Variants in RABGAP1L observed in about 807,000 individuals in gnomAD.
RABGAP1L encodes RAB GTPase activating protein 1 like.
Under a neutral mutation model 137.7 loss-of-function variants are expected in RABGAP1L, and 63 were observed. The ratio of observed to expected loss-of-function variants is 0.46; its 90% CI spans 0.37 to 0.56. RABGAP1L has a LOEUF of 0.56. Ranked by LOEUF, RABGAP1L falls within the 20% of genes least tolerant of loss-of-function variation. RABGAP1L has a pLI of 0.00. For synonymous variants in RABGAP1L, 431 were observed against 433.7 expected, an observed-to-expected ratio of 0.99 and a Z score of 0.08; for missense variants, 1,095 against 1,244.0, an observed-to-expected ratio of 0.88 and a Z score of 1.80.
intron 13 of RABGAP1L, among the ~76,000 whole-genome samples, chr1:174,447,186 G>A (rs1558242022): frequency 6.6e-6 from 1 of 152,190 alleles, no homozygotes; most frequent in Admixed American, 6.5e-5. Flanking sequence ...ACCAGTAACT[G>A]TAATGGATTA....
At chr1:174,169,177 A>G (rs1665145602) in intron 1 of RABGAP1L, among the ~76,000 whole-genome samples, 1 of 152,178 alleles carries the variant, frequency 6.6e-6, no homozygotes, top group Non-Finnish European at 1.5e-5. Flanking sequence ...TGCAGTTGGT[A>G]TCACACACAA....
chr1:174,291,891 G>A (rs936781676), intron 10 of RABGAP1L, among the ~76,000 whole-genome samples: 17 of 150,976 alleles, frequency 1.1e-4, no homozygotes, highest in African/African-American at 3.9e-4. Flanking sequence ...GCCAGATTTC[G>A]GGTGGTTTGA....
intron 20 of RABGAP1L, among the ~76,000 whole-genome samples, chr1:174,959,209 A>C (rs1668870767): frequency 6.6e-6 from 1 of 152,214 alleles, no homozygotes; most frequent in Admixed American, 6.5e-5. Context: ...CCTCAATAAA[A>C]CCAGCTTTTA....
intron 17 of RABGAP1L, among the ~76,000 whole-genome samples, chr1:174,749,933 G>A (rs968043986): frequency 4.6e-5 from 7 of 151,876 alleles, no homozygotes. Context: ...GCTGGAGTGC[G>A]ATCTCGGCTC....
At chr1:174,476,481 A>G (rs1458402562) in intron 13 of RABGAP1L, among the ~76,000 whole-genome samples, 1 of 152,192 alleles carries the variant, frequency 6.6e-6, no homozygotes, top group African/African-American at 2.4e-5. Context: ...CAAGAGATTT[A>G]TGAATTCTTT....
In RABGAP1L at chr1:174,655,485, T is replaced by C. The variant is rs139494827; in HGVS notation, c.1824+17997T>C. Among the ~76,000 whole-genome samples, 12 of 152,342 alleles carry C rather than the reference T, an allele frequency of 7.9e-5. No individual in the cohort carries two copies. In the East Asian group the frequency reaches 9.6e-4, roughly 12 times the overall value. ...CAACACGGAAAGAATAATCTGTTCT[T>C]ATTTCTTCCACTCAGGTAATATGTA... On this transcript the variant is annotated intron_variant, in intron 14 of 25. Coordinates refer to ENST00000681986, the MANE Select transcript of RABGAP1L (RefSeq NM_001366446.1).
At chr1:174,330,120 T>G (rs1024299762) in intron 11 of RABGAP1L, among the ~76,000 whole-genome samples, 1 of 152,182 alleles carries the variant, frequency 6.6e-6, no homozygotes, top group African/African-American at 2.4e-5. Flanking sequence ...TTGTCCCTGT[T>G]TGCAGACAAT....
chr1:174,398,425 G>A (rs535896465), intron 13 of RABGAP1L, among the ~76,000 whole-genome samples: 2 of 152,196 alleles, frequency 1.3e-5, no homozygotes, highest in South Asian at 4.2e-4. Context: ...CTTCTTCTTA[G>A]TGTAAACTAT....
chr1:174,176,634 C>T (rs1429471835), intron 1 of RABGAP1L, among the ~76,000 whole-genome samples: 4 of 136,414 alleles, frequency 2.9e-5, no homozygotes, highest in African/African-American at 8.4e-5. Context: ...ATCACTTGAG[C>T]CTAGGAGGCG....
intron 13 of RABGAP1L, among the ~76,000 whole-genome samples, chr1:174,616,504 T>G (rs749256271): frequency 6.6e-6 from 1 of 152,122 alleles, no homozygotes; most frequent in South Asian, 2.1e-4. Flanking sequence ...ACAAAGTAAA[T>G]AAGAATTGGT....
chr1:174,461,754 A>C (rs1261757318), intron 13 of RABGAP1L, among the ~76,000 whole-genome samples: 1 of 152,158 alleles, frequency 6.6e-6, no homozygotes, highest in African/African-American at 2.4e-5. Context: ...GGAAAAGAAT[A>C]TTTTAGGAGA....
At chr1:174,485,113 A>G (rs1001420528) in intron 13 of RABGAP1L, among the ~76,000 whole-genome samples, 1 of 152,158 alleles carries the variant, frequency 6.6e-6, no homozygotes, top group Non-Finnish European at 1.5e-5. Context: ...ATTTGCAGCT[A>G]TTGTAAATAG....
intron 13 of RABGAP1L, among the ~76,000 whole-genome samples, chr1:174,598,900 C>T (rs1179981128): frequency 1.3e-5 from 2 of 152,056 alleles, no homozygotes; most frequent in Non-Finnish European, 2.9e-5. Flanking sequence ...AGTTCACTTA[C>T]ATTCAATATT....
intron 13 of RABGAP1L, among the ~76,000 whole-genome samples, chr1:174,571,629 A>G (rs12078714): frequency 6.6e-6 from 1 of 152,132 alleles, no homozygotes; most frequent in South Asian, 2.1e-4. Flanking sequence ...TATGCATGCA[A>G]TATAAATGCT....
At chr1:174,964,116 T>A (rs1355614223) in intron 20 of RABGAP1L, among the ~76,000 whole-genome samples, 1 of 152,220 alleles carries the variant, frequency 6.6e-6, no homozygotes, top group Non-Finnish European at 1.5e-5. Flanking sequence ...TTAAACATTT[T>A]ATCTGTAGGC....
chr1:174,230,547 A>C (rs1460135744), intron 3 of RABGAP1L, among the ~76,000 whole-genome samples: 3 of 152,202 alleles, frequency 2.0e-5, no homozygotes, highest in Non-Finnish European at 4.4e-5. Context: ...CTTTAGAGCT[A>C]GTTTATAGGG....
chr1:174,585,594 TG>T (rs1221364913), intron 13 of RABGAP1L, among the ~76,000 whole-genome samples: 5 of 152,160 alleles, frequency 3.3e-5, no homozygotes, highest in Non-Finnish European at 7.3e-5. Flanking sequence ...AGTACTTCAG[TG>T]GTTTTGTTTT....
intron 19 of RABGAP1L, among the ~76,000 whole-genome samples, chr1:174,858,742 A>G (rs984594901): frequency 1.3e-5 from 2 of 152,184 alleles, no homozygotes; most frequent in East Asian, 1.9e-4. Flanking sequence ...GACCTTCACA[A>G]TGGATTCTTA....
intron 13 of RABGAP1L, among the ~76,000 whole-genome samples, chr1:174,571,195 CT>C (rs1380310541): frequency 6.6e-6 from 1 of 152,028 alleles, no homozygotes; most frequent in Non-Finnish European, 1.5e-5. Context: ...CAGGTTCTCA[CT>C]TATTTTTGAG....
Sources: allele counts gnomAD v4.1 joint callset (sites outside exome capture counted in the v4.1 genomes callset), GRCh38; gene constraint gnomAD v4.1.1; transcripts MANE v1.5; gene names NCBI Gene and HGNC (gene_info 2026-07-23, HGNC 2026-07-21).